ADGRV1: variants seen among roughly 807,000 people sequenced by gnomAD.
The protein encoded by ADGRV1 is G-protein coupled receptor 98.
In ADGRV1, 359 loss-of-function variants were observed where a neutral mutation model predicts 596.2. The observed-to-expected ratio is 0.60, with a 90% CI of 0.55 to 0.66. ADGRV1 has a LOEUF of 0.66. Among genes scored for constraint, ADGRV1 ranks in the 30% least tolerant of loss-of-function variants. The probability of loss-of-function intolerance (pLI) is 0.00; values close to 1 mark genes in which losing one functional copy is unlikely to be tolerated. For missense variants in ADGRV1, 7,274 were observed against 7,575.6 expected, an observed-to-expected ratio of 0.96 and a Z score of 1.48; for synonymous variants, 2,681 against 2,679.2, an observed-to-expected ratio of 1.00 and a Z score of -0.02.
At chr5:90,652,256 G>A (rs1768740404) in intron 18 of ADGRV1, 90 bp from the exon 19 acceptor site, 6 of 901,270 alleles carry the variant, frequency 6.7e-6, no homozygotes, top group Non-Finnish European at 9.8e-6. Context: ...TAAGACAATA[G>A]ATAGTAAAAA....
Position 90,617,923 on chromosome 5 carries a change from C to G in ADGRV1, c.327C>G (p.Asp109Glu), listed in dbSNP as rs61753944. 6.3e-7 allele frequency: 1 copy of G among 1,584,956 alleles called. No individual in the cohort carries two copies. The change falls in exon 3 of 90, where the codon GAC (aspartate) becomes GAG (glutamate). Residue 109 changes from aspartate (D) to glutamate (E), a missense_variant. Transcript: ENST00000405460. ...GTGATGATGACTTACCAGAGCCTGA[C>G]GAAACTTTTATTTTTCACTTAACAT... ...AVCDDDLPEP[D>E]ETFIFHLTLQ...
At position 90,657,685 on chromosome 5, in the gene ADGRV1, C is replaced by T. The variant is rs1292250917; in HGVS notation, c.4379-220C>T. Among the ~76,000 whole-genome samples the T allele has an allele frequency of 1.3e-5, 2 of 151,940 alleles. 1 individual carries two copies. The highest frequency in any genetic ancestry group is 3.9e-4 in the East Asian group (2 of 5,192). On this transcript the variant is annotated intron_variant, in intron 20 of 89. Transcript: ENST00000405460. ...TATCATCTAATTTGAAGATAGTTAC[C>T]AATTCTTTTAGTACAAAATATAAAT... is the stretch of plus-strand genomic sequence containing the variant.
At chr5:90,839,703 A>G (rs1765267968) in intron 77 of ADGRV1, among the ~76,000 whole-genome samples, 1 of 152,198 alleles carries the variant, frequency 6.6e-6, no homozygotes, top group Admixed American at 6.5e-5. Flanking sequence ...AAATATCACA[A>G]GAGCTTCTAT....
chr5:90,915,134 T>C (rs1469513341), intron 83 of ADGRV1, among the ~76,000 whole-genome samples: 1 of 152,204 alleles, frequency 6.6e-6, no homozygotes, highest in Non-Finnish European at 1.5e-5. Context: ...TATTATTAAT[T>C]TGTGGGAATT....
intron 59 of ADGRV1, among the ~76,000 whole-genome samples, chr5:90,767,545 C>T (rs1351909581): frequency 6.6e-6 from 1 of 152,062 alleles, no homozygotes; most frequent in Non-Finnish European, 1.5e-5. Context: ...AGATATACAG[C>T]AGATATAGAA....
chr5:91,022,006 A>G (rs1192583031), intron 85 of ADGRV1, among the ~76,000 whole-genome samples: 1 of 152,054 alleles, frequency 6.6e-6, no homozygotes, highest in East Asian at 1.9e-4. Flanking sequence ...AAAAGCGGCA[A>G]TCGAGAGTAT....
intron 83 of ADGRV1, among the ~76,000 whole-genome samples, chr5:90,942,160 GC>G (rs1279338459): frequency 6.6e-6 from 1 of 152,166 alleles, no homozygotes; most frequent in Non-Finnish European, 1.5e-5. Context: ...TTTTATGAAA[GC>G]TAATCTGTAC....
rs564527379 is a variant in ADGRV1, at chr5:91,132,958, C to T, written c.18433-17072C>T. On this transcript the variant is annotated intron_variant, in intron 87 of 89. Coordinates refer to ENST00000405460, the MANE Select transcript of ADGRV1 (RefSeq NM_032119.4). ...GACAAGCTAAGATTTAGGTCTTTAT[C>T]TTGAAAGTAGTGGTAATCATTAAAG... 7.2e-5 allele frequency among the ~76,000 whole-genome samples: 11 copies of T among 152,196 alleles called. No homozygotes were observed. In the South Asian group the frequency reaches 2.1e-3, roughly 29 times the overall value.
At chr5:90,726,412 T>G (rs1751787543) in intron 48 of ADGRV1, among the ~76,000 whole-genome samples, 3 of 152,220 alleles carry the variant, frequency 2.0e-5, no homozygotes, top group Admixed American at 2.0e-4. Context: ...CCTTCTAGTT[T>G]TCATTTCATT....
rs545294466 is a variant in ADGRV1, at chr5:90,806,761, G to A, written c.14837-841G>A. Among the ~76,000 whole-genome samples, 7 of 152,206 alleles carry A rather than the reference G, an allele frequency of 4.6e-5. No individual in the cohort carries two copies. In the South Asian group the frequency reaches 6.2e-4, roughly 14 times the overall value. On this transcript the variant is annotated intron_variant, in intron 72 of 89. Coordinates refer to ENST00000405460, the MANE Select transcript of ADGRV1 (RefSeq NM_032119.4). ...CTGTATCTTCAAACAGGTTCATTTA[G>A]TTTTTTGAGCCTTTGTAATAAATTT...
intron 4 of ADGRV1, among the ~76,000 whole-genome samples, chr5:90,621,133 T>A (rs193047676): frequency 6.6e-6 from 1 of 152,070 alleles, no homozygotes; most frequent in Admixed American, 6.6e-5. Flanking sequence ...TACAACTGAA[T>A]CTGGTCGCTA....
chr5:90,754,963 G>A lies in ADGRV1; in HGVS notation c.11378-20G>A, dbSNP rs190125624. 2,895 of 1,558,302 alleles carry A rather than the reference G, an allele frequency of 1.9e-3. 7 individuals are homozygous for A. The highest frequency in any genetic ancestry group is 2.4e-3 in the Non-Finnish European group (2,707 of 1,129,888). On this transcript the variant is annotated intron_variant, in intron 54 of 89. Coordinates refer to ENST00000405460, the MANE Select transcript of ADGRV1 (RefSeq NM_032119.4). ...AGCAAATAGAAAAGACTATTTACTC[G>A]TGGCATGTTTCTCTCACAGAAAACA...
intron 83 of ADGRV1, among the ~76,000 whole-genome samples, chr5:90,939,444 A>G (rs1454931174): frequency 1.3e-5 from 2 of 152,202 alleles, no homozygotes; most frequent in Non-Finnish European, 2.9e-5. Flanking sequence ...GGAACACTAA[A>G]CTGAAGGTCA....
chr5:91,102,200 C>T lies in ADGRV1; in HGVS notation c.18311-19C>T. ...TGCAGTATTCTGAAGCTCAAAAATT[C>T]TTTTTTTTTTATTTCTAGAAATTCC... On this transcript the variant is annotated intron_variant, in intron 86 of 89. Transcript: ENST00000405460. 2.1e-6 allele frequency: 3 copies of T among 1,414,968 alleles called. No individual in the cohort carries two copies. The highest frequency in any genetic ancestry group is 2.0e-5 in the Admixed American group (1 of 50,914). The allele number at this position is 1,414,968 out of a possible 1,614,324, so 87.7% of individuals were successfully genotyped here.
intron 17 of ADGRV1, among the ~76,000 whole-genome samples, chr5:90,648,611 AAG>A (rs1768140901): frequency 1.3e-5 from 2 of 152,252 alleles, no homozygotes; most frequent in South Asian, 4.1e-4. Context: ...GAGGAAGAGA[AAG>A]AGATCTCTTA....
chr5:91,044,109 G>A (rs775076431), intron 85 of ADGRV1, among the ~76,000 whole-genome samples: 15 of 152,044 alleles, frequency 9.9e-5, no homozygotes, highest in Admixed American at 2.0e-4. Context: ...ATGCATTTCT[G>A]TAGATGCATG....
intron 75 of ADGRV1, among the ~76,000 whole-genome samples, chr5:90,820,245 C>A (rs1236157396): frequency 7.0e-6 from 1 of 142,668 alleles, no homozygotes; most frequent in African/African-American, 2.7e-5. Flanking sequence ...CAACCCCTGC[C>A]TTTTTTTGTT....
At chr5:90,916,371 A>G (rs1773353674) in intron 83 of ADGRV1, among the ~76,000 whole-genome samples, 1 of 152,146 alleles carries the variant, frequency 6.6e-6, no homozygotes, top group South Asian at 2.1e-4. Flanking sequence ...TATAAATCTA[A>G]AAGAAATTTA....
Position 90,627,440 on chromosome 5 carries a change from T to C in ADGRV1, c.902T>C (p.Val301Ala), listed in dbSNP as rs1764910384. 1 of 1,613,796 alleles carries C rather than the reference T, an allele frequency of 6.2e-7. No individual in the cohort carries two copies. The highest frequency in any genetic ancestry group is 1.7e-5 in the Admixed American group (1 of 60,000). ...CTGATTGGATCTGATGAATATGAGG[T>C]TTCAATCAGTTATGCTGTCACAACT... Reference protein sequence around the residue: ...GNLIGSDEYEVSISYAVTTGN... With the variant: ...GNLIGSDEYEASISYAVTTGN... The change falls in exon 7 of 90, where the codon GTT (valine) becomes GCT (alanine). Residue 301 changes from valine (V) to alanine (A), a missense_variant. This residue lies in a region of ADGRV1 where 1,715 missense variants were observed against 1,708.8 expected (regional missense o/e 1.00). Transcript: ENST00000405460.
Sources: gnomAD v4.1 joint callset for allele counts (sites outside exome capture counted in the v4.1 genomes callset) on GRCh38, gnomAD v4.1.1 for gene constraint, gnomAD v4.1.1 regional missense constraint, MANE v1.5 for transcripts, NCBI Gene and HGNC (gene_info 2026-07-23, HGNC 2026-07-21) for gene names.